RPSA2: variants seen among roughly 807,000 people sequenced by gnomAD.
RPSA2 encodes the protein small ribosomal subunit protein uS2B.
At chr19:23,814,829 T>TTTG in the RPSA2 span, among the ~76,000 whole-genome samples, 1 of 152,024 alleles carries the variant, frequency 6.6e-6, no homozygotes, top group East Asian at 1.9e-4. Flanking sequence ...CTTAAATATA[T>TTTG]TTGTTGTTGT....
At chr19:23,866,513 G>GA in the RPSA2 span, among the ~76,000 whole-genome samples, 3 of 142,284 alleles carry the variant, frequency 2.1e-5, no homozygotes, top group Non-Finnish European at 4.6e-5. Context: ...ACAATGTGGT[G>GA]CCCCCCCCCG....
At chr19:23,785,073 G>A in the RPSA2 span, among the ~76,000 whole-genome samples, 1 of 152,172 alleles carries the variant, frequency 6.6e-6, no homozygotes, top group Non-Finnish European at 1.5e-5. Context: ...TTCTGCCTTA[G>A]CCCAGCCCAC....
the RPSA2 span, among the ~76,000 whole-genome samples, chr19:23,868,050 G>C: frequency 6.6e-6 from 1 of 152,164 alleles, no homozygotes; most frequent in South Asian, 2.1e-4. Context: ...GGAATTCACC[G>C]ATGTTTGTTA....
chr19:23,784,785 A>G, the RPSA2 span, among the ~76,000 whole-genome samples: 2 of 152,192 alleles, frequency 1.3e-5, no homozygotes, highest in African/African-American at 2.4e-5. Flanking sequence ...AGTCTCATAT[A>G]TGGGCCTGGT....
the RPSA2 span, among the ~76,000 whole-genome samples, chr19:23,847,368 C>T: frequency 3.3e-5 from 5 of 152,046 alleles, no homozygotes; most frequent in Non-Finnish European, 7.4e-5. Context: ...TTTCTGTTTT[C>T]CATAAATGTC....
the RPSA2 span, among the ~76,000 whole-genome samples, chr19:23,864,535 C>T: frequency 6.6e-6 from 1 of 151,980 alleles, no homozygotes; most frequent in African/African-American, 2.4e-5. Flanking sequence ...AATACATCAC[C>T]CAACAGACAG....
the RPSA2 span, among the ~76,000 whole-genome samples, chr19:23,830,190 G>T: frequency 1.3e-5 from 2 of 152,068 alleles, no homozygotes; most frequent in South Asian, 2.1e-4. Flanking sequence ...CCCCAGCCAG[G>T]CTGGAGCATA....
the RPSA2 span, among the ~76,000 whole-genome samples, chr19:23,851,299 A>G: frequency 2.0e-5 from 3 of 152,224 alleles, no homozygotes; most frequent in Admixed American, 2.0e-4. Context: ...CAGTAAGCTT[A>G]GCCTCTTTCC....
At chr19:23,764,579 A>G in the RPSA2 span, among the ~76,000 whole-genome samples, 1 of 152,200 alleles carries the variant, frequency 6.6e-6, no homozygotes, top group South Asian at 2.1e-4. Flanking sequence ...TCCCAGGTTC[A>G]AGTGATTCTC....
chr19:23,833,025 T>C, the RPSA2 span: 2 of 1,392,108 alleles, frequency 1.4e-6, no homozygotes, highest in Non-Finnish European at 1.9e-6. Context: ...TTGCTAACCA[T>C]AAGAGAATTC....
the RPSA2 span, among the ~76,000 whole-genome samples, chr19:23,836,118 T>A: frequency 6.6e-6 from 1 of 152,142 alleles, no homozygotes; most frequent in African/African-American, 2.4e-5. Flanking sequence ...ATACACTGCA[T>A]CATATATGTT....
the RPSA2 span, among the ~76,000 whole-genome samples, chr19:23,850,861 T>G: frequency 4.1e-3 from 620 of 152,234 alleles, 7 homozygotes; most frequent in African/African-American, 0.014. Context: ...GTGGTTAAAT[T>G]ATTCTTTTGT....
At chr19:23,789,412 G>T in the RPSA2 span, among the ~76,000 whole-genome samples, 2 of 152,100 alleles carry the variant, frequency 1.3e-5, no homozygotes, top group African/African-American at 2.4e-5. Context: ...AAAAAAGATT[G>T]TAACATCTTT....
chr19:23,797,679 T>G, the RPSA2 span, among the ~76,000 whole-genome samples: 6 of 152,252 alleles, frequency 3.9e-5, no homozygotes, highest in African/African-American at 1.4e-4. Context: ...GCCTGTGGGA[T>G]GTTGTAGTCT....
chr19:23,768,437 G>A, the RPSA2 span, among the ~76,000 whole-genome samples: 4 of 150,308 alleles, frequency 2.7e-5, no homozygotes, highest in Admixed American at 6.7e-5. Context: ...CTGTTGTCTA[G>A]ATATCCAAGT....
At chr19:23,831,793 G>T in the RPSA2 span, 1 of 305,332 alleles carries the variant, frequency 3.3e-6, no homozygotes, top group South Asian at 3.9e-5. Flanking sequence ...CAACTACTCA[G>T]AGCAAAGTAT....
At chr19:23,767,758 TCA>T in the RPSA2 span, among the ~76,000 whole-genome samples, 1 of 139,162 alleles carries the variant, frequency 7.2e-6, no homozygotes, top group Admixed American at 8.6e-5. Flanking sequence ...TATTTCAATT[TCA>T]GTTTTTTTTT....
At chr19:23,849,973 C>T in the RPSA2 span, among the ~76,000 whole-genome samples, 1 of 152,126 alleles carries the variant, frequency 6.6e-6, no homozygotes, top group South Asian at 2.1e-4. Context: ...TGTCCCGGTT[C>T]TCTTGTAGTT....
the RPSA2 span, among the ~76,000 whole-genome samples, chr19:23,770,341 T>G: frequency 5.9e-5 from 9 of 152,336 alleles, no homozygotes; most frequent in Admixed American, 5.2e-4. Context: ...ATGCATTGTG[T>G]GTTGTGACAT....
Sources: allele counts gnomAD v4.1 joint callset (sites outside exome capture counted in the v4.1 genomes callset), GRCh38; gene constraint gnomAD v4.1.1; transcripts MANE v1.5; gene names NCBI Gene and HGNC (gene_info 2026-07-23, HGNC 2026-07-21).